Variants in CHRDL1 observed in about 807,000 individuals in gnomAD.
CHRDL1 encodes chordin-like protein 1.
CHRDL1 carries 19 observed loss-of-function variants against 40.9 expected under a neutral mutation model. The ratio of observed to expected loss-of-function variants is 0.46; its 90% CI spans 0.32 to 0.68. CHRDL1 has a LOEUF of 0.68. CHRDL1 is among the 30% of genes least tolerant of loss of function. CHRDL1 has a pLI of 0.03. For synonymous variants in CHRDL1, 136 were observed against 123.4 expected (o/e 1.10, Z -0.68); for missense variants, 329 against 352.1 (o/e 0.93, Z 0.53).
intron 1 of CHRDL1, among the ~76,000 whole-genome samples, chrX:110,792,645 T>C (rs1445320953): frequency 2.3e-5 from 1 of 44,277 alleles, no homozygotes; most frequent in African/African-American, 5.9e-5. Context: ...TTAACTAATC[T>C]TAGCTTCAAG....
At chrX:110,738,448 C>A (rs1405795294) in intron 4 of CHRDL1, among the ~76,000 whole-genome samples, 1 of 111,566 alleles carries the variant, frequency 9.0e-6, no homozygotes, top group African/African-American at 3.3e-5. Flanking sequence ...ATAGAAAACA[C>A]CTGAACCGAG....
At chrX:110,691,750 C>T (rs899707954) in intron 8 of CHRDL1, among the ~76,000 whole-genome samples, 9 of 111,620 alleles carry the variant, frequency 8.1e-5, no homozygotes, top group Non-Finnish European at 1.5e-4. Flanking sequence ...TGCTAGAATA[C>T]TGGACACTCT....
chrX:110,705,304 T>TATATATATATATAC (rs1491498596), intron 6 of CHRDL1, among the ~76,000 whole-genome samples: 15 of 77,591 alleles, frequency 1.9e-4, no homozygotes, highest in African/African-American at 8.5e-4. Context: ...TATATATATA[T>TATATATATATATAC]ACACACACAC....
rs2069928771 is a variant in CHRDL1, at chrX:110,682,778, C to G, written c.989-1129G>C. 3.6e-5 allele frequency among the ~76,000 whole-genome samples: 4 copies of G among 111,782 alleles called. No homozygotes were observed. The Admixed American group carries it at 3.8e-4, about 11-fold the overall frequency. On this transcript the variant is annotated intron_variant, in intron 9 of 11. Transcript: ENST00000372042. Reference sequence around the variant, plus strand: ...ACCATTTGGCATTGTAAGGACAAAACCATAGTCTTCTCTTGATTCCAGACT... The same window carrying G: ...ACCATTTGGCATTGTAAGGACAAAAGCATAGTCTTCTCTTGATTCCAGACT...
chrX:110,738,331 T>C (rs954106088), intron 4 of CHRDL1, among the ~76,000 whole-genome samples: 1 of 111,643 alleles, frequency 9.0e-6, no homozygotes, highest in Admixed American at 9.5e-5. Context: ...AAAATCTTTT[T>C]CACAAATGCC....
intron 9 of CHRDL1, among the ~76,000 whole-genome samples, chrX:110,682,020 T>C (rs1326280817): frequency 8.9e-6 from 1 of 112,020 alleles, no homozygotes; most frequent in Non-Finnish European, 1.9e-5. Context: ...CATAGGAATT[T>C]CCATACAGGG....
At chrX:110,687,897 C>T (rs2070058687) in intron 9 of CHRDL1, among the ~76,000 whole-genome samples, 1 of 111,442 alleles carries the variant, frequency 9.0e-6, no homozygotes, top group African/African-American at 3.3e-5. Context: ...TTTTATCAGT[C>T]AATATTTTCT....
chrX:110,697,269 T>C (rs765969021), intron 7 of CHRDL1, among the ~76,000 whole-genome samples: 1 of 110,371 alleles, frequency 9.1e-6, no homozygotes, highest in South Asian at 4.0e-4. Flanking sequence ...GAATTTCATG[T>C]TCTAAAGTCT....
Position 110,689,482 on chromosome X carries a change from A to C in CHRDL1, c.779-679T>G, listed in dbSNP as rs762924441. Among the ~76,000 whole-genome samples the C allele has an allele frequency of 5.6e-4, 19 of 34,143 alleles. 2 individuals carry two copies. The South Asian group carries it at 7.2e-3, about 13-fold the overall frequency. The allele number at this position is 34,143 out of a possible 115,157, so 29.6% of individuals were successfully genotyped here. On this transcript the variant is annotated intron_variant, in intron 8 of 11. Transcript: ENST00000372042. Reference sequence around the variant, plus strand: ...TCTATATATATCTATATATCTATATATCTATATCTCTATATATCTATATAT... The same window carrying C: ...TCTATATATATCTATATATCTATATCTCTATATCTCTATATATCTATATAT...
intron 11 of CHRDL1, among the ~76,000 whole-genome samples, chrX:110,677,458 G>A (rs2069802698): frequency 9.0e-6 from 1 of 111,413 alleles, no homozygotes; most frequent in African/African-American, 3.3e-5. Context: ...CACAGTTTGA[G>A]GCACATACCT....
chrX:110,758,279 T>C (rs1382716111), intron 4 of CHRDL1, among the ~76,000 whole-genome samples: 1 of 85,038 alleles, frequency 1.2e-5, no homozygotes, highest in East Asian at 4.2e-4. Context: ...ACAGAAACAG[T>C]AAGCCTGGCT....
At chrX:110,753,009 T>C (rs967000063) in intron 4 of CHRDL1, among the ~76,000 whole-genome samples, 7 of 111,308 alleles carry the variant, frequency 6.3e-5, no homozygotes, top group African/African-American at 2.3e-4. Flanking sequence ...GATTCCTCAA[T>C]AAATTAAAAA....
At chrX:110,792,263 A>G in intron 1 of CHRDL1, 48 bp from the exon 2 acceptor site, 1 of 537,962 alleles carries the variant, frequency 1.9e-6, no homozygotes, top group Non-Finnish European at 3.1e-6. Flanking sequence ...TCTTCTGGAA[A>G]TGATAGAGGT....
intron 6 of CHRDL1, among the ~76,000 whole-genome samples, chrX:110,713,531 C>A (rs925688804): frequency 3.6e-4 from 40 of 111,894 alleles, no homozygotes; most frequent in African/African-American, 1.2e-3. Context: ...TTCCCCTTTA[C>A]TCCCCTGTAC....
intron 6 of CHRDL1, among the ~76,000 whole-genome samples, chrX:110,716,383 C>G (rs2070842346): frequency 9.1e-6 from 1 of 109,599 alleles, no homozygotes; most frequent in Non-Finnish European, 1.9e-5. Context: ...CTGCCTGGCA[C>G]AGTGGGAGAA....
intron 6 of CHRDL1, among the ~76,000 whole-genome samples, chrX:110,703,503 A>C (rs1029728328): frequency 8.9e-6 from 1 of 112,021 alleles, no homozygotes; most frequent in African/African-American, 3.2e-5. Flanking sequence ...CCCAAGAGTC[A>C]GTTAACATGC....
At chrX:110,694,517 T>TA (rs1329373379) in intron 7 of CHRDL1, among the ~76,000 whole-genome samples, 186 bp from the exon 8 acceptor site, 1 of 111,854 alleles carries the variant, frequency 8.9e-6, no homozygotes, top group Non-Finnish European at 1.9e-5. Context: ...TTTTTTTCAT[T>TA]AAAATTTTTT....
Position 110,674,459 on chromosome X carries a change from A to C in CHRDL1, c.*1772T>G, listed in dbSNP as rs1371388273. 4 of 42,106 alleles carry C rather than the reference A, an allele frequency of 9.5e-5. No homozygotes were observed. Among genetic ancestry groups the C allele is most frequent in the African/African-American group, 1.5e-4 (2 of 13,731 alleles). 3.5% of individuals were successfully genotyped at this position (42,106 alleles called of 1,213,427 possible). On this transcript the variant is annotated 3_prime_UTR_variant, in exon 12 of 12. Transcript: ENST00000372042. Reference sequence around the variant, plus strand: ...CGCATAACACCTTCCCCCCTTTACCACACACACACACACACACACACACAC... The same window carrying C: ...CGCATAACACCTTCCCCCCTTTACCCCACACACACACACACACACACACAC...
chrX:110,700,759 T>C, intron 6 of CHRDL1, 38 bp from the exon 7 acceptor site: 1 of 917,139 alleles, frequency 1.1e-6, no homozygotes, highest in Non-Finnish European at 1.6e-6. Flanking sequence ...AATCATACAT[T>C]CATAAAAGGG....
Sources: allele counts gnomAD v4.1 joint callset (sites outside exome capture counted in the v4.1 genomes callset), GRCh38; gene constraint gnomAD v4.1.1; transcripts MANE v1.5; gene names NCBI Gene and HGNC (gene_info 2026-07-23, HGNC 2026-07-21).